PCSK5: variants seen among roughly 807,000 people sequenced by gnomAD.
PCSK5 encodes proprotein convertase subtilisin/kexin type 5.
In PCSK5, 129 loss-of-function variants were observed where a neutral mutation model predicts 233.2. That is an observed-to-expected ratio of 0.55 (90% CI 0.48 to 0.64). PCSK5 has a LOEUF of 0.64. PCSK5 is among the 30% of genes least tolerant of loss of function. PCSK5 has a pLI of 0.00. For missense variants in PCSK5, 2,076 were observed against 2,430.1 expected (o/e 0.85, Z 3.06); for synonymous variants, 825 against 879.2 (o/e 0.94, Z 1.09).
At chr9:76,156,208 A>T (rs770946414) in intron 10 of PCSK5, among the ~76,000 whole-genome samples, 11 of 138,046 alleles carry the variant, frequency 8.0e-5, no homozygotes, top group Non-Finnish European at 1.6e-4. Context: ...TGGAATTTTA[A>T]AGTATTTTTA....
chr9:76,183,905 G>T (rs1458752557), intron 16 of PCSK5, among the ~76,000 whole-genome samples: 1 of 152,126 alleles, frequency 6.6e-6, no homozygotes, highest in African/African-American at 2.4e-5. Context: ...AAGGTAGAAG[G>T]ACTTTCTTAA....
chr9:76,325,264 A>C (rs1829327233), intron 32 of PCSK5, among the ~76,000 whole-genome samples: 1 of 152,194 alleles, frequency 6.6e-6, no homozygotes, highest in Non-Finnish European at 1.5e-5. Context: ...CTGAGGTTCA[A>C]CTTCTGGCCT....
Position 76,251,512 on chromosome 9 carries a change from C to T in PCSK5, c.3142+10828C>T, listed in dbSNP as rs187144990. 2.8e-4 allele frequency among the ~76,000 whole-genome samples: 40 copies of T among 141,426 alleles called. 1 individual carries two copies. In the East Asian group the frequency reaches 6.9e-3, roughly 24 times the overall value. 92.8% of individuals were successfully genotyped at this position (141,426 alleles called of 152,430 possible). A position where few individuals can be genotyped will look rare whatever the true frequency, so the allele number is the denominator to read the frequency against. On this transcript the variant is annotated intron_variant, in intron 24 of 37. Transcript: ENST00000674117. ...TGGAGGGACGGAGCTTGCAGTGAGCCGAGATTGTGCCACTGCACTCCAGCC... is the reference window on the plus strand; with the variant it reads ...TGGAGGGACGGAGCTTGCAGTGAGCTGAGATTGTGCCACTGCACTCCAGCC...
At chr9:75,975,984 T>C (rs1277229531) in intron 2 of PCSK5, among the ~76,000 whole-genome samples, 5 of 152,170 alleles carry the variant, frequency 3.3e-5, no homozygotes, top group Non-Finnish European at 7.4e-5. Context: ...TTTAATCAAA[T>C]GGTATGAATT....
At chr9:76,301,322 A>G (rs1828592867) in intron 27 of PCSK5, among the ~76,000 whole-genome samples, 1 of 151,980 alleles carries the variant, frequency 6.6e-6, no homozygotes, top group African/African-American at 2.4e-5. Context: ...GGGTATAGAG[A>G]TAAACAGGGC....
At chr9:76,178,126 A>C (rs1177753400) in intron 14 of PCSK5, among the ~76,000 whole-genome samples, 1 of 152,108 alleles carries the variant, frequency 6.6e-6, no homozygotes, top group African/African-American at 2.4e-5. Context: ...GGACTGTGAG[A>C]TCACAGCTGG....
intron 10 of PCSK5, among the ~76,000 whole-genome samples, chr9:76,137,126 AG>A (rs1406616556): frequency 6.6e-6 from 1 of 152,132 alleles, no homozygotes; most frequent in African/African-American, 2.4e-5. Context: ...GGACTGGAAC[AG>A]GGAAGGGTTT....
intron 3 of PCSK5, among the ~76,000 whole-genome samples, chr9:76,013,945 C>CT (rs142765776): frequency 1.2e-3 from 178 of 144,292 alleles, no homozygotes; most frequent in Admixed American, 2.6e-3. Flanking sequence ...TTTTTCTCAA[C>CT]TTTTTTTTTT....
chr9:76,128,322 A>G (rs897885809), intron 9 of PCSK5, among the ~76,000 whole-genome samples: 1 of 152,208 alleles, frequency 6.6e-6, no homozygotes, highest in Non-Finnish European at 1.5e-5. Context: ...GATTATATTC[A>G]GGGCACAATT....
chr9:76,086,200 C>G (rs1831055212), intron 7 of PCSK5, among the ~76,000 whole-genome samples: 1 of 151,764 alleles, frequency 6.6e-6, no homozygotes, highest in Admixed American at 6.5e-5. Flanking sequence ...AATAGCTTTT[C>G]TTCTCCCAAA....
At chr9:76,038,416 C>T (rs2131523123) in intron 5 of PCSK5, among the ~76,000 whole-genome samples, 1 of 152,320 alleles carries the variant, frequency 6.6e-6, no homozygotes, top group South Asian at 2.1e-4. Flanking sequence ...CACTGGTCAG[C>T]AGTCTTAATT....
At chr9:76,017,239 G>C (rs557185776) in intron 3 of PCSK5, among the ~76,000 whole-genome samples, 1 of 152,202 alleles carries the variant, frequency 6.6e-6, no homozygotes, top group South Asian at 2.1e-4. Context: ...AAATAATTCA[G>C]GTCATCCAGC....
chr9:76,286,505 TG>T (rs1301328599), intron 24 of PCSK5: 1 of 155,144 alleles, frequency 6.4e-6, no homozygotes, highest in Non-Finnish European at 1.5e-5. Flanking sequence ...TAGGGCCTGC[TG>T]TGTTTTCTGG....
chr9:75,920,542 T>C (rs1823209847), intron 1 of PCSK5, among the ~76,000 whole-genome samples: 1 of 152,126 alleles, frequency 6.6e-6, no homozygotes, highest in Admixed American at 6.6e-5. Context: ...GTATGGGTCA[T>C]GCTTGTAGTC....
At chr9:76,291,780 G>A (rs951470608) in intron 24 of PCSK5, among the ~76,000 whole-genome samples, 14 of 152,284 alleles carry the variant, frequency 9.2e-5, no homozygotes, top group South Asian at 4.2e-4. Context: ...TGCAGATTTC[G>A]AAGGAGTGCC....
rs73650408 is a variant in PCSK5, at chr9:75,906,711, G to A, written c.192+15338G>A. On this transcript the variant is annotated intron_variant, in intron 1 of 37. Transcript: ENST00000674117. ...GAGGATCATCTTAAGGCTTAATTTT[G>A]GTGATGTCATTTCCCTGTTCAGAAG... Among the ~76,000 whole-genome samples the A allele has an allele frequency of 9.0e-3, 1,374 of 152,214 alleles. 19 individuals are homozygous for A. The highest frequency in any genetic ancestry group is 0.031 in the African/African-American group (1,275 of 41,544).
intron 7 of PCSK5, among the ~76,000 whole-genome samples, chr9:76,080,797 C>T (rs1227801148): frequency 6.6e-6 from 1 of 152,150 alleles, no homozygotes; most frequent in African/African-American, 2.4e-5. Context: ...TTCAGCAGAG[C>T]TCCTGTAACA....
chr9:76,040,199 C>T (rs1020276671), intron 5 of PCSK5, among the ~76,000 whole-genome samples: 4 of 152,144 alleles, frequency 2.6e-5, no homozygotes, highest in Non-Finnish European at 5.9e-5. Flanking sequence ...CAGCTGAAAA[C>T]GGTTAACACT....
chr9:76,196,625 G>C (rs1470972361), intron 20 of PCSK5, among the ~76,000 whole-genome samples: 6 of 152,328 alleles, frequency 3.9e-5, no homozygotes, highest in Middle Eastern at 6.8e-3. Flanking sequence ...GTATGAGAAA[G>C]AGCCTCTACT....
Sources: allele counts gnomAD v4.1 joint callset (sites outside exome capture counted in the v4.1 genomes callset), GRCh38; gene constraint gnomAD v4.1.1; transcripts MANE v1.5; gene names NCBI Gene and HGNC (gene_info 2026-07-23, HGNC 2026-07-21).